Variants in CD2AP observed in about 807,000 individuals in gnomAD.
The protein encoded by CD2AP is CD2 associated protein.
Under a neutral mutation model 85.1 loss-of-function variants are expected in CD2AP, and 46 were observed. The ratio of observed to expected loss-of-function variants is 0.54; its 90% confidence interval spans 0.43 to 0.69. CD2AP has a LOEUF of 0.69. Among genes scored for constraint, CD2AP ranks in the 30% least tolerant of loss-of-function variants. The pLI, the probability that CD2AP is intolerant of heterozygous loss-of-function variation, is 0.00. For synonymous variants in CD2AP, 255 were observed against 252.9 expected (o/e 1.01, Z -0.08); for missense variants, 769 against 729.5 (o/e 1.05, Z -0.62).
At chr6:47,614,829 A>G (rs1016887601) in intron 17 of CD2AP, among the ~76,000 whole-genome samples, 2 of 152,192 alleles carry the variant, frequency 1.3e-5, no homozygotes, top group Non-Finnish European at 2.9e-5. Flanking sequence ...TTCTTTGCTC[A>G]GGGACAGGAC....
intron 11 of CD2AP, among the ~76,000 whole-genome samples, chr6:47,587,054 G>A (rs2114115970): frequency 6.6e-6 from 1 of 152,218 alleles, no homozygotes; most frequent in South Asian, 2.1e-4. Flanking sequence ...TTCAGAGAGG[G>A]CCAGTTGAAT....
At chr6:47,570,717 C>T (rs1032371057) in intron 5 of CD2AP, among the ~76,000 whole-genome samples, 1 of 152,148 alleles carries the variant, frequency 6.6e-6, no homozygotes, top group African/African-American at 2.4e-5. Flanking sequence ...GTTTACTTCT[C>T]ATAGCAATCC....
At chr6:47,527,884 A>G (rs1484585965) in intron 2 of CD2AP, among the ~76,000 whole-genome samples, 1 of 152,220 alleles carries the variant, frequency 6.6e-6, no homozygotes, top group Non-Finnish European at 1.5e-5. Flanking sequence ...GTTCACTAGT[A>G]AAAATCAAGT....
chr6:47,592,475 T>C (rs1216096634), intron 11 of CD2AP, among the ~76,000 whole-genome samples: 1 of 152,142 alleles, frequency 6.6e-6, no homozygotes, highest in Non-Finnish European at 1.5e-5. Flanking sequence ...TAATAAGGAA[T>C]GTGCATTTAA....
At chr6:47,623,355 A>C (rs1769814706) in intron 17 of CD2AP, among the ~76,000 whole-genome samples, 1 of 152,202 alleles carries the variant, frequency 6.6e-6, no homozygotes. Context: ...TTCCTCATGC[A>C]GGGAAAGGTT....
chr6:47,489,095 G>A (rs1033731393), intron 1 of CD2AP: 2 of 151,044 alleles, frequency 1.3e-5, no homozygotes, highest in East Asian at 3.9e-4. Flanking sequence ...GAGTTATCTC[G>A]ATTGCTTAGT....
chr6:47,624,284 T>G lies in CD2AP; in HGVS notation c.*57T>G, dbSNP rs1769843527. 4 of 1,309,704 alleles carry G rather than the reference T, an allele frequency of 3.1e-6. No homozygotes were observed. The highest frequency in any genetic ancestry group is 1.2e-5 in the South Asian group (1 of 84,102). 81.1% of individuals were successfully genotyped at this position (1,309,704 alleles called of 1,614,324 possible). ...GGGATTCAGAAGCAACGCTATGAAC[T>G]TCAGCTGACTTGTTACTTAAAAATT... On this transcript the variant is annotated 3_prime_UTR_variant, in exon 18 of 18. Coordinates refer to ENST00000359314, the MANE Select transcript of CD2AP (RefSeq NM_012120.3).
intron 17 of CD2AP, among the ~76,000 whole-genome samples, chr6:47,612,770 G>A (rs1205444608): frequency 6.6e-6 from 1 of 152,140 alleles, no homozygotes; most frequent in African/African-American, 2.4e-5. Context: ...GAAACTGCAT[G>A]TTCCCACTTA....
intron 4 of CD2AP, among the ~76,000 whole-genome samples, chr6:47,550,906 A>G (rs559811408): frequency 2.0e-5 from 3 of 152,350 alleles, no homozygotes; most frequent in Admixed American, 6.5e-5. Flanking sequence ...ATTGGAGACT[A>G]TTATTTTAAG....
intron 4 of CD2AP, among the ~76,000 whole-genome samples, chr6:47,549,826 T>A (rs1767465708): frequency 6.6e-6 from 1 of 152,148 alleles, no homozygotes; most frequent in Non-Finnish European, 1.5e-5. Flanking sequence ...AAGGCCACAG[T>A]CACCAAAACA....
At chr6:47,536,604 G>A (rs1222467441) in intron 3 of CD2AP, among the ~76,000 whole-genome samples, 3 of 152,272 alleles carry the variant, frequency 2.0e-5, no homozygotes, top group East Asian at 1.9e-4. Flanking sequence ...TAATGAAGCC[G>A]TGAAAACTTT....
intron 12 of CD2AP, among the ~76,000 whole-genome samples, 160 bp from the exon 13 acceptor site, chr6:47,599,141 T>TA (rs1769033901): frequency 7.2e-6 from 1 of 139,146 alleles, no homozygotes; most frequent in Non-Finnish European, 1.7e-5. Flanking sequence ...TATTTTATTG[T>TA]GATCAGCCTT....
chr6:47,477,796 T>TGGGTCCC lies in CD2AP; in HGVS notation c.-448_-442dup, dbSNP rs1215484765. On this transcript the variant is annotated 5_prime_UTR_variant, in exon 1 of 18. Transcript: ENST00000359314. ...TCCCCGCACCTTCTCGGCCTCTGTC[T>TGGGTCCC]GGGTCCCCACCTTAGTCTACGGTGT... 1 of 187,334 alleles carries TGGGTCCC rather than the reference T, an allele frequency of 5.3e-6. No individual in the cohort carries two copies. The highest frequency in any genetic ancestry group is 6.1e-5 in the Admixed American group (1 of 16,290). 11.6% of individuals were successfully genotyped at this position (187,334 alleles called of 1,614,324 possible).
intron 4 of CD2AP, 36 bp downstream of exon 4, chr6:47,544,742 G>A: frequency 8.6e-7 from 1 of 1,160,586 alleles, no homozygotes; most frequent in Admixed American, 1.7e-5. Flanking sequence ...AAACAGTAAT[G>A]GTAATTGATG....
At chr6:47,539,442 T>C (rs1443099969) in intron 3 of CD2AP, among the ~76,000 whole-genome samples, 1 of 152,142 alleles carries the variant, frequency 6.6e-6, no homozygotes, top group Non-Finnish European at 1.5e-5. Context: ...AGCAAGTATA[T>C]GGTATTTTTG....
chr6:47,546,166 T>C (rs1419495539), intron 4 of CD2AP, among the ~76,000 whole-genome samples: 1 of 151,942 alleles, frequency 6.6e-6, no homozygotes, highest in Admixed American at 6.6e-5. Context: ...TAAAAAATAA[T>C]CAAAACTTCA....
chr6:47,599,704 A>T (rs982801706), intron 13 of CD2AP, among the ~76,000 whole-genome samples: 1 of 152,076 alleles, frequency 6.6e-6, no homozygotes, highest in African/African-American at 2.4e-5. Flanking sequence ...TGACCCATCT[A>T]TTACTCCCTC....
At chr6:47,542,024 C>T (rs1404578843) in intron 3 of CD2AP, among the ~76,000 whole-genome samples, 1 of 152,194 alleles carries the variant, frequency 6.6e-6, no homozygotes, top group African/African-American at 2.4e-5. Flanking sequence ...AGAATATCTG[C>T]CACATCTGTC....
chr6:47,491,198 TG>T (rs1303969395), intron 1 of CD2AP, among the ~76,000 whole-genome samples: 1 of 152,042 alleles, frequency 6.6e-6, no homozygotes, highest in African/African-American at 2.4e-5. Flanking sequence ...TTTTTGTTTG[TG>T]GTAAGAAATA....
Sources: allele counts gnomAD v4.1 joint callset (sites outside exome capture counted in the v4.1 genomes callset), GRCh38; gene constraint gnomAD v4.1.1; transcripts MANE v1.5; gene names NCBI Gene and HGNC (gene_info 2026-07-23, HGNC 2026-07-21).